ERCC6L2: variants seen among roughly 807,000 people sequenced by gnomAD.
The protein encoded by ERCC6L2 is ERCC excision repair 6 like 2, also known as DNA excision repair protein ERCC-6-like 2.
In ERCC6L2, 77 loss-of-function variants were observed where a neutral mutation model predicts 132.0. The ratio of observed to expected loss-of-function variants is 0.58; its 90% CI spans 0.49 to 0.71. The LOEUF is 0.71. ERCC6L2 is among the 30% of genes least tolerant of loss of function. The pLI is 0.00. For missense variants in ERCC6L2, 1,542 were observed against 1,837.6 expected, an observed-to-expected ratio of 0.84 and a Z score of 2.94; for synonymous variants, 583 against 632.4, an observed-to-expected ratio of 0.92 and a Z score of 1.17.
intron 12 of ERCC6L2, among the ~76,000 whole-genome samples, chr9:95,945,049 G>A (rs574001872): frequency 3.9e-4 from 60 of 152,142 alleles, no homozygotes; most frequent in Non-Finnish European, 7.8e-4. Context: ...CAACTGGTCT[G>A]ACCAAAATTT....
chr9:95,991,698 T>C (rs1307160783), intron 17 of ERCC6L2, among the ~76,000 whole-genome samples: 1 of 152,194 alleles, frequency 6.6e-6, no homozygotes, highest in Non-Finnish European at 1.5e-5. Flanking sequence ...CCAATACGTA[T>C]TTTTCTGATA....
intron 17 of ERCC6L2, among the ~76,000 whole-genome samples, chr9:95,998,967 T>G (rs1217658951): frequency 6.6e-6 from 1 of 152,214 alleles, no homozygotes; most frequent in African/African-American, 2.4e-5. Context: ...TTTCACAGCC[T>G]TGTTTCAGTA....
chr9:95,982,051 A>G (rs1207741404), intron 17 of ERCC6L2, among the ~76,000 whole-genome samples: 1 of 152,154 alleles, frequency 6.6e-6, no homozygotes, highest in African/African-American at 2.4e-5. Context: ...AGAAGACTTA[A>G]TCCCTTGAAT....
At chr9:95,922,669 A>G (rs1453062330) in intron 8 of ERCC6L2, among the ~76,000 whole-genome samples, 3 of 152,188 alleles carry the variant, frequency 2.0e-5, no homozygotes, top group Non-Finnish European at 4.4e-5. Context: ...TTTTCAAAAC[A>G]GTCTTTGGTA....
intron 19 of ERCC6L2, among the ~76,000 whole-genome samples, chr9:96,024,121 G>A (rs1834330729): frequency 6.6e-6 from 1 of 152,194 alleles, no homozygotes; most frequent in Non-Finnish European, 1.5e-5. Flanking sequence ...ACCTCTAAAA[G>A]TTGCTACTAA....
chr9:95,910,108 G>A (rs1829273249), intron 4 of ERCC6L2, among the ~76,000 whole-genome samples: 1 of 152,138 alleles, frequency 6.6e-6, no homozygotes, highest in African/African-American at 2.4e-5. Context: ...ATGTTGCTTA[G>A]GTGTTTTCTA....
At chr9:95,912,255 G>C (rs1460221808) in intron 4 of ERCC6L2, among the ~76,000 whole-genome samples, 1 of 151,936 alleles carries the variant, frequency 6.6e-6, no homozygotes, top group Non-Finnish European at 1.5e-5. Context: ...TAGAATTTTT[G>C]CTATTTTTCT....
chr9:95,985,221 T>A (rs927739429), intron 17 of ERCC6L2, among the ~76,000 whole-genome samples: 1 of 152,228 alleles, frequency 6.6e-6, no homozygotes, highest in Admixed American at 6.5e-5. Flanking sequence ...TTTCCTCATG[T>A]ATGTTACAAG....
chr9:95,905,141 A>C (rs1390888404), intron 3 of ERCC6L2: 1 of 152,148 alleles, frequency 6.6e-6, no homozygotes, highest in Non-Finnish European at 1.5e-5. Flanking sequence ...GCAGTTGGAC[A>C]CTGCTTTCCA....
chr9:96,000,335 G>A (rs189131908), intron 17 of ERCC6L2, among the ~76,000 whole-genome samples: 7 of 152,138 alleles, frequency 4.6e-5, no homozygotes, highest in Admixed American at 3.3e-4. Context: ...CTTAGAAATC[G>A]TTTGTTACTA....
At chr9:95,968,259 A>G (rs1174546655) in intron 14 of ERCC6L2, 1 of 152,200 alleles carries the variant, frequency 6.6e-6, no homozygotes, top group East Asian at 1.9e-4. Flanking sequence ...TCTTTTTTAA[A>G]AATATCTTTT....
chr9:95,918,558 TC>T, intron 6 of ERCC6L2: 3 of 429,888 alleles, frequency 7.0e-6, no homozygotes, highest in Non-Finnish European at 4.7e-6. Context: ...TTACAGCTAC[TC>T]TGAGAATTGT....
intron 2 of ERCC6L2, among the ~76,000 whole-genome samples, chr9:95,888,443 T>G (rs2770839): frequency 1.3e-5 from 2 of 152,240 alleles, no homozygotes; most frequent in African/African-American, 4.8e-5. Flanking sequence ...GTGACTGATT[T>G]AAATATTTGT....
intron 13 of ERCC6L2, among the ~76,000 whole-genome samples, chr9:95,959,072 C>G (rs1398311178): frequency 1.3e-5 from 2 of 152,132 alleles, no homozygotes; most frequent in Non-Finnish European, 2.9e-5. Flanking sequence ...ATCGCCAAGT[C>G]TCAATCCTAA....
chr9:95,953,364 CAGG>C (rs1831434283), intron 12 of ERCC6L2, among the ~76,000 whole-genome samples: 1 of 152,106 alleles, frequency 6.6e-6, no homozygotes, highest in Admixed American at 6.5e-5. Context: ...ATCATGAGAT[CAGG>C]AGGTCAAGAC....
chr9:95,954,423 T>G (rs929103248), intron 12 of ERCC6L2, among the ~76,000 whole-genome samples: 1 of 152,168 alleles, frequency 6.6e-6, no homozygotes, highest in Non-Finnish European at 1.5e-5. Context: ...TTCCTTTTCC[T>G]CTCCCTGTCC....
At chr9:95,941,007 T>C (rs891139240) in intron 11 of ERCC6L2, among the ~76,000 whole-genome samples, 8 of 152,184 alleles carry the variant, frequency 5.3e-5, no homozygotes, top group Non-Finnish European at 1.0e-4. Context: ...TCTGTACCTT[T>C]CAGAGTTTTA....
At chr9:95,907,838 C>CACACACACACACACAA (rs1564212224) in intron 4 of ERCC6L2, among the ~76,000 whole-genome samples, 1 of 117,576 alleles carries the variant, frequency 8.5e-6, no homozygotes, top group Non-Finnish European at 1.8e-5. Flanking sequence ...CACACACACA[C>CACACACACACACACAA]ACACACACAC....
chr9:95,937,935 C>T (rs1416419475), intron 11 of ERCC6L2, among the ~76,000 whole-genome samples: 9 of 151,458 alleles, frequency 5.9e-5, no homozygotes, highest in Admixed American at 5.9e-4. Flanking sequence ...CTAATATAAG[C>T]ATTTAATGTT....
Sources: gnomAD v4.1 joint callset for allele counts (sites outside exome capture counted in the v4.1 genomes callset) on GRCh38, gnomAD v4.1.1 for gene constraint, MANE v1.5 for transcripts, NCBI Gene and HGNC (gene_info 2026-07-23, HGNC 2026-07-21) for gene names.